The following PIGX variants were observed in gnomAD, a reference collection of about 807,000 sequenced individuals.
PIGX encodes phosphatidylinositol glycan anchor biosynthesis class X.
In PIGX, 24 loss-of-function variants were observed where a neutral mutation model predicts 28.7. The observed-to-expected ratio is 0.84, with a 90% confidence interval of 0.60 to 1.17. The LOEUF is 1.17. PIGX is among the 50% of genes most tolerant of loss of function. The probability of loss-of-function intolerance (pLI) is 0.00; values close to 1 mark genes in which losing one functional copy is unlikely to be tolerated. For synonymous variants in PIGX, 127 were observed against 121.0 expected (o/e 1.05, Z -0.33); for missense variants, 305 against 317.8 (o/e 0.96, Z 0.31).
At chr3:196,724,345 AT>A (rs1357499046) in intron 3 of PIGX, among the ~76,000 whole-genome samples, 9 of 152,210 alleles carry the variant, frequency 5.9e-5, no homozygotes, top group Admixed American at 5.9e-4. Flanking sequence ...TGAATTATGA[AT>A]TCTAAATGAG....
chr3:196,716,828 T>G (rs771510834), intron 1 of PIGX, 30 bp from the exon 2 acceptor site: 3 of 1,330,130 alleles, frequency 2.3e-6, no homozygotes, highest in Non-Finnish European at 3.1e-6. Context: ...GTGCTTTTGT[T>G]TTTAAAAAAA....
In PIGX at chr3:196,732,900, T is replaced by C. The variant is rs139523814; in HGVS notation, c.634-859T>C. On this transcript the variant is annotated intron_variant, in intron 5 of 5. Coordinates refer to ENST00000392391, the MANE Select transcript of PIGX (RefSeq NM_017861.4). ...AATAGAAAATAGAAACTGAGTTGAA[T>C]GTAGGAGCTTTTCCATTGCTAGTCA... Among the ~76,000 whole-genome samples the C allele has an allele frequency of 1.5e-4, 23 of 152,314 alleles. No individual in the cohort carries two copies. In the East Asian group the frequency reaches 2.9e-3, roughly 19 times the overall value.
Position 196,725,956 on chromosome 3 carries a change from A to G in PIGX, c.319-1967A>G, listed in dbSNP as rs78777869. Reference sequence around the variant, plus strand: ...TCCCAAACAAAGCTCAAGAATATGTATAGGGATATAGACATATCCAGCAAG... The same window carrying G: ...TCCCAAACAAAGCTCAAGAATATGTGTAGGGATATAGACATATCCAGCAAG... On this transcript the variant is annotated intron_variant, in intron 3 of 5. Transcript: ENST00000392391. 3.1e-3 allele frequency among the ~76,000 whole-genome samples: 479 copies of G among 152,344 alleles called. 6 individuals carry two copies. In the East Asian group the frequency reaches 0.056, roughly 18 times the overall value.
At chr3:196,715,673 G>A (rs1712068981) in intron 1 of PIGX, among the ~76,000 whole-genome samples, 1 of 152,128 alleles carries the variant, frequency 6.6e-6, no homozygotes, top group African/African-American at 2.4e-5. Context: ...ATAGTTTTCT[G>A]TATGTGTTTG....
chr3:196,716,825 TG>T (rs1315897120), intron 1 of PIGX, 32 bp from the exon 2 acceptor site: 1 of 1,259,226 alleles, frequency 7.9e-7, no homozygotes, highest in Non-Finnish European at 1.1e-6. Flanking sequence ...TCAGTGCTTT[TG>T]TTTTTAAAAA....
chr3:196,721,480 A>T (rs909197075), intron 2 of PIGX: 3 of 159,298 alleles, frequency 1.9e-5, no homozygotes, highest in Non-Finnish European at 2.7e-5. Flanking sequence ...CTGTCCTCCA[A>T]GCTGGAATAT....
chr3:196,721,189 T>C (rs1274470127), intron 2 of PIGX: 2 of 383,018 alleles, frequency 5.2e-6, no homozygotes, highest in Non-Finnish European at 1.0e-5. Flanking sequence ...ACTCCAAATA[T>C]ATGTATACTA....
rs1437891236 is a variant in PIGX, at chr3:196,726,863, T to C, written c.319-1060T>C. The stretch of plus-strand genomic sequence containing the variant: ...CTTATAGTAATGAGCTTCCTTCCAG[T>C]CACTGAAGGTATTCAAGCAGTGGCG... On this transcript the variant is annotated intron_variant, in intron 3 of 5. Transcript: ENST00000392391. The C allele has an allele frequency of 2.4e-5, 6 of 251,192 alleles. No homozygotes were observed. In the Admixed American group the frequency reaches 2.5e-4, roughly 10 times the overall value. The allele number at this position is 251,192 out of a possible 1,614,324, so 15.6% of individuals were successfully genotyped here.
At chr3:196,732,235 TATATATATATATA>T (rs1197149456) in intron 5 of PIGX, among the ~76,000 whole-genome samples, 1 of 65,228 alleles carries the variant, frequency 1.5e-5, no homozygotes, top group African/African-American at 7.0e-5. Flanking sequence ...TATATATATA[TATATATATATATA>T]TATATATATT....
intron 1 of PIGX, chr3:196,712,852 T>C (rs548399337): frequency 9.2e-7 from 1 of 1,092,140 alleles, no homozygotes; most frequent in South Asian, 4.5e-5. Flanking sequence ...AGAGTCGGGC[T>C]CGGGCCCTGC....
intron 3 of PIGX, among the ~76,000 whole-genome samples, chr3:196,724,454 CACTT>C (rs1712445540): frequency 6.6e-6 from 1 of 152,118 alleles, no homozygotes; most frequent in Admixed American, 6.6e-5. Flanking sequence ...TTAATAAAAT[CACTT>C]ACCGTGTTCT....
At chr3:196,715,698 G>T (rs980974442) in intron 1 of PIGX, among the ~76,000 whole-genome samples, 6 of 152,162 alleles carry the variant, frequency 3.9e-5, no homozygotes, top group Non-Finnish European at 7.3e-5. Context: ...TTGTTTGTTT[G>T]TTTTGAGACA....
rs60317348 is a variant in PIGX at position 196,735,294 on chromosome 3, CAAAAAAAAAAAAAAAAAA to C, written c.*1405_*1422del. ...TGGGCGACAGAGTGAGACTCTGTCT[CAAAAAAAAAAAAAAAAAA>C]AAAAAAAAAAAAGTAAATAAAACCT... On this transcript the variant is annotated 3_prime_UTR_variant, in exon 6 of 6. Coordinates refer to ENST00000392391, the MANE Select transcript of PIGX (RefSeq NM_017861.4). The C allele has an allele frequency of 2.2e-4, 10 of 45,234 alleles. No homozygotes were observed. The Admixed American group carries it at 2.7e-3, about 12-fold the overall frequency. 2.8% of individuals were successfully genotyped at this position (45,234 alleles called of 1,614,324 possible).
At chr3:196,732,219 TATATATATA>T (rs1712797375) in intron 5 of PIGX, among the ~76,000 whole-genome samples, 1 of 15,748 alleles carries the variant, frequency 6.4e-5, no homozygotes, top group African/African-American at 2.5e-4. Flanking sequence ...ATATTATTTA[TATATATATA>T]TATATATATA....
chr3:196,726,992 A>G (rs985529664), intron 3 of PIGX, among the ~76,000 whole-genome samples: 1 of 152,206 alleles, frequency 6.6e-6, no homozygotes, highest in Admixed American at 6.5e-5. Context: ...TTTGCCAATG[A>G]GTTCTGTTCC....
rs746581134 is a variant in PIGX, at chr3:196,716,936, G to C, written c.176+15G>C. On this transcript the variant is annotated intron_variant, in intron 2 of 5. Coordinates refer to ENST00000392391, the MANE Select transcript of PIGX (RefSeq NM_017861.4). ...GGTTTCCACAGGTAAGTTGCCTGTT[G>C]ATTTCTATTTCTATTAAAATAATGT... 23 of 1,461,550 alleles carry C rather than the reference G, an allele frequency of 1.6e-5. 1 individual carries two copies. The South Asian group carries it at 2.7e-4, about 17-fold the overall frequency. The allele number at this position is 1,461,550 out of a possible 1,614,324, so 90.5% of individuals were successfully genotyped here. A position where few individuals can be genotyped will look rare whatever the true frequency, so the allele number is the denominator to read the frequency against.
intron 4 of PIGX, chr3:196,728,646 G>A (rs1712620855): frequency 3.9e-6 from 3 of 765,888 alleles, no homozygotes; most frequent in Non-Finnish European, 7.2e-6. Flanking sequence ...CATAGCTGGG[G>A]TTTTGCTAAT....
At position 196,735,294 on chromosome 3, in the gene PIGX, C is replaced by CAAAAAAAAAAAA. The variant is rs60317348; in HGVS notation, c.*1411_*1422dup. 3 of 45,232 alleles carry CAAAAAAAAAAAA rather than the reference C, an allele frequency of 6.6e-5. No individual in the cohort carries two copies. The highest frequency in any genetic ancestry group is 8.3e-5 in the African/African-American group (1 of 12,006). 2.8% of individuals were successfully genotyped at this position (45,232 alleles called of 1,614,324 possible). A position where few individuals can be genotyped will look rare whatever the true frequency, so the allele number is the denominator to read the frequency against. On this transcript the variant is annotated 3_prime_UTR_variant, in exon 6 of 6. Coordinates refer to ENST00000392391, the MANE Select transcript of PIGX (RefSeq NM_017861.4). The stretch of plus-strand genomic sequence containing the variant: ...TGGGCGACAGAGTGAGACTCTGTCT[C>CAAAAAAAAAAAA]AAAAAAAAAAAAAAAAAAAAAAAAA...
At position 196,733,782 on chromosome 3, in the gene PIGX, A is replaced by G. The variant is rs753688912; in HGVS notation, c.657A>G (p.Gln219=). 63 of 1,593,500 alleles carry G rather than the reference A, an allele frequency of 4.0e-5. 1 individual carries two copies. Among genetic ancestry groups the G allele is most frequent in the East Asian group, 2.2e-5 (1 of 44,822 alleles). The change falls in exon 6 of 6, where the codon CAA becomes CAG. Residue 219 remains glutamine (Q), a synonymous_variant. Transcript: ENST00000392391. The surrounding 1 kb of genome is among the most constrained non-coding windows in gnomAD (Gnocchi z 4.3). The stretch of plus-strand genomic sequence containing the variant: ...AGGTATATAAGAATGTGATTCTACA[A>G]GTTCCAGTGGGACTGACTGTACATA...
Sources: allele counts gnomAD v4.1 joint callset (sites outside exome capture counted in the v4.1 genomes callset), GRCh38; gene constraint gnomAD v4.1.1; non-coding constraint Gnocchi (gnomAD v3.1); transcripts MANE v1.5; gene names NCBI Gene and HGNC (gene_info 2026-07-23, HGNC 2026-07-21).